Variants in PCDH15 observed in about 807,000 individuals in gnomAD.
The protein encoded by PCDH15 is protocadherin related 15, also known as protocadherin-15.
Under a neutral mutation model 178.5 loss-of-function variants are expected in PCDH15, and 129 were observed. The ratio of observed to expected loss-of-function variants is 0.72; its 90% CI spans 0.63 to 0.84. PCDH15 has a LOEUF of 0.84. Ranked by LOEUF, PCDH15 falls within the 40% of genes least tolerant of loss-of-function variation. The probability of loss-of-function intolerance (pLI) is 0.00; values close to 1 mark genes in which losing one functional copy is unlikely to be tolerated. For synonymous variants in PCDH15, 800 were observed against 732.0 expected (o/e 1.09, Z -1.50); for missense variants, 2,230 against 2,099.9 (o/e 1.06, Z -1.21).
In PCDH15 at chr10:54,101,269, A is replaced by G. The variant is rs116504140; in HGVS notation, c.1918-11206T>C. Reference sequence around the variant, plus strand: ...CCCAGCTACATGAACTGTAAGTCCAATTGAACCTCTTTCTTTTGTAAATTG... The same window carrying G: ...CCCAGCTACATGAACTGTAAGTCCAGTTGAACCTCTTTCTTTTGTAAATTG... On this transcript the variant is annotated intron_variant, in intron 15 of 37. Coordinates refer to ENST00000644397, the MANE Select transcript of PCDH15 (RefSeq NM_001384140.1). 3.7e-3 allele frequency among the ~76,000 whole-genome samples: 570 copies of G among 152,280 alleles called. 2 individuals are homozygous for G. The highest frequency in any genetic ancestry group is 0.011 in the African/African-American group (458 of 41,558).
Position 53,857,177 on chromosome 10 carries a change from T to C in PCDH15, c.3804A>G (p.Thr1268=). 6.3e-7 allele frequency: 1 copy of C among 1,583,714 alleles called. No individual in the cohort carries two copies. Among genetic ancestry groups the C allele is most frequent in the East Asian group, 2.2e-5 (1 of 44,700 alleles). The change falls in exon 28 of 38, where the codon ACA becomes ACG. Residue 1268 remains threonine (T), a splice_region_variant and synonymous_variant. Coordinates refer to ENST00000644397, the MANE Select transcript of PCDH15 (RefSeq NM_001384140.1). The part of the protein sequence containing the change: ...TLVEKKIEDL[T]EILDRYVQEQ... ...TATAAGGAGACAAAATCAATTACTC[T>C]GTAAGATCTTCTATCTTTTTTTCCA...
chr10:55,548,624 A>G (rs933138835), intron 2 of PCDH15, among the ~76,000 whole-genome samples: 3 of 152,190 alleles, frequency 2.0e-5, no homozygotes, highest in Non-Finnish European at 2.9e-5. Flanking sequence ...GTCAGCTGGA[A>G]AACAGAAATC....
chr10:54,386,912 G>A (rs1280814654), intron 3 of PCDH15, among the ~76,000 whole-genome samples: 2 of 152,026 alleles, frequency 1.3e-5, no homozygotes, highest in Non-Finnish European at 2.9e-5. Context: ...AAAGAAACAA[G>A]TTCAAGAGAT....
chr10:55,376,220 ATATTT>A (rs2131995246), intron 2 of PCDH15, among the ~76,000 whole-genome samples: 1 of 152,136 alleles, frequency 6.6e-6, no homozygotes, highest in Admixed American at 6.6e-5. Context: ...ACTATGTAGG[ATATTT>A]TATTTTAATT....
rs1309971382 is a variant in PCDH15 at position 54,317,197 on chromosome 10, A to C, written c.876+74T>G. On this transcript the variant is annotated intron_variant, in intron 8 of 37. Coordinates refer to ENST00000644397, the MANE Select transcript of PCDH15 (RefSeq NM_001384140.1). ...TTTTGCTATTATAAATTATATGTCT[A>C]CAAAATACTTGAACATGATCCCATT... 5 of 1,499,844 alleles carry C rather than the reference A, an allele frequency of 3.3e-6. No homozygotes were observed. The African/African-American group carries it at 6.9e-5, about 21-fold the overall frequency. 92.9% of individuals were successfully genotyped at this position (1,499,844 alleles called of 1,614,324 possible). A position where few individuals can be genotyped will look rare whatever the true frequency, so the allele number is the denominator to read the frequency against.
At chr10:54,254,532 C>G (rs1210133240) in intron 8 of PCDH15, among the ~76,000 whole-genome samples, 1 of 152,134 alleles carries the variant, frequency 6.6e-6, no homozygotes, top group Non-Finnish European at 1.5e-5. Flanking sequence ...CACTCTTACT[C>G]AACTCCCACA....
chr10:53,812,696 C>T (rs2075914889), intron 35 of PCDH15, among the ~76,000 whole-genome samples: 1 of 152,138 alleles, frequency 6.6e-6, no homozygotes. Flanking sequence ...AATTTCTCTA[C>T]ATTTCCCTTT....
At chr10:54,378,708 C>G in intron 4 of PCDH15, 74 bp downstream of exon 4, 1 of 1,475,286 alleles carries the variant, frequency 6.8e-7, no homozygotes, top group Non-Finnish European at 9.4e-7. Flanking sequence ...AATTCAATAT[C>G]ATATAAACAC....
intron 21 of PCDH15, among the ~76,000 whole-genome samples, chr10:53,985,060 T>C (rs1199882130): frequency 6.6e-6 from 1 of 152,172 alleles, no homozygotes; most frequent in Non-Finnish European, 1.5e-5. Context: ...GGAACAGACA[T>C]GAGCCCAGAC....
rs183596427 is a variant in PCDH15, at chr10:55,316,114, T to C, written c.-156+3485A>G. On this transcript the variant is annotated intron_variant, in intron 1 of 5. Transcript: ENST00000458638. ...AAATGTTTTTTTGTAAATGAGTATA[T>C]GTCCCAAAAATTTTTCCATTTTCTG... 3.3e-4 allele frequency among the ~76,000 whole-genome samples: 50 copies of C among 152,332 alleles called. No individual in the cohort carries two copies. The East Asian group carries it at 7.9e-3, about 24-fold the overall frequency.
chr10:54,752,431 C>T (rs1212088547), intron 1 of PCDH15, among the ~76,000 whole-genome samples: 1 of 146,090 alleles, frequency 6.8e-6, no homozygotes, highest in Non-Finnish European at 1.5e-5. Context: ...GAGCTGAGAT[C>T]ACGCCACTGC....
At chr10:54,230,002 C>T (rs2053882703) in intron 9 of PCDH15, among the ~76,000 whole-genome samples, 1 of 151,986 alleles carries the variant, frequency 6.6e-6, no homozygotes, top group Non-Finnish European at 1.5e-5. Context: ...AGGAATTGTC[C>T]TTGCTTTGAC....
chr10:54,031,229 CCT>C (rs1055371066), intron 18 of PCDH15, among the ~76,000 whole-genome samples: 1 of 121,088 alleles, frequency 8.3e-6, no homozygotes, highest in African/African-American at 3.2e-5. Flanking sequence ...CCTCACCTTC[CCT>C]GATATAGGTT....
intron 2 of PCDH15, among the ~76,000 whole-genome samples, chr10:55,086,514 T>G (rs1210930209): frequency 3.3e-5 from 5 of 152,064 alleles, no homozygotes; most frequent in Non-Finnish European, 5.9e-5. Flanking sequence ...TATGCCCCAG[T>G]CTATAGATAT....
intron 2 of PCDH15, among the ~76,000 whole-genome samples, chr10:55,436,101 T>C (rs1036342476): frequency 8.5e-5 from 13 of 152,102 alleles, no homozygotes; most frequent in Admixed American, 3.3e-4. Flanking sequence ...TGCTGAAAAT[T>C]CTTAATTATG....
intron 4 of PCDH15, among the ~76,000 whole-genome samples, chr10:54,374,016 G>A (rs745435844): frequency 6.6e-6 from 1 of 151,986 alleles, no homozygotes; most frequent in Non-Finnish European, 1.5e-5. Flanking sequence ...TATAGACAGG[G>A]TGCATCTTGA....
At chr10:53,809,216 C>G in intron 37 of PCDH15, 5 of 1,613,936 alleles carry the variant, frequency 3.1e-6, no homozygotes, top group Non-Finnish European at 4.2e-6. Flanking sequence ...TCAGACTCTT[C>G]TTCACTGTAT....
intron 3 of PCDH15, among the ~76,000 whole-genome samples, chr10:54,413,748 T>C (rs938881097): frequency 2.0e-5 from 3 of 152,200 alleles, no homozygotes; most frequent in Non-Finnish European, 2.9e-5. Context: ...TGTCTGTCTG[T>C]ATACATTATT....
intron 24 of PCDH15, 66 bp downstream of exon 24, chr10:53,940,800 T>C: frequency 8.7e-7 from 1 of 1,150,554 alleles, no homozygotes; most frequent in Non-Finnish European, 1.3e-6. Flanking sequence ...TTCAATTCAA[T>C]CTGAAATTAG....
Sources: allele counts gnomAD v4.1 joint callset (sites outside exome capture counted in the v4.1 genomes callset), GRCh38; gene constraint gnomAD v4.1.1; transcripts MANE v1.5; gene names NCBI Gene and HGNC (gene_info 2026-07-23, HGNC 2026-07-21).